The following THRB variants were observed in gnomAD, a reference collection of about 807,000 sequenced individuals.
The protein encoded by THRB is nuclear receptor subfamily 1 group A member 2.
THRB carries 12 observed loss-of-function variants against 47.8 expected under a neutral mutation model. The ratio of observed to expected loss-of-function variants is 0.25; its 90% confidence interval spans 0.16 to 0.41. THRB has a LOEUF of 0.41. Ranked by LOEUF, THRB falls within the 10% of genes least tolerant of loss-of-function variation. The probability of loss-of-function intolerance (pLI) is 1.00; values close to 1 mark genes in which losing one functional copy is unlikely to be tolerated. For missense variants in THRB, 348 were observed against 589.2 expected, an observed-to-expected ratio of 0.59 and a Z score of 4.24; for synonymous variants, 218 against 212.2, an observed-to-expected ratio of 1.03 and a Z score of -0.24.
intron 2 of THRB, among the ~76,000 whole-genome samples, chr3:24,298,306 A>G (rs899483351): frequency 2.6e-5 from 4 of 152,176 alleles, no homozygotes; most frequent in Admixed American, 2.6e-4. Context: ...AGTCCCCTAC[A>G]ATCCCTCCCT....
At chr3:24,417,573 G>A (rs1260654838) in intron 1 of THRB, among the ~76,000 whole-genome samples, 2 of 151,804 alleles carry the variant, frequency 1.3e-5, no homozygotes, top group South Asian at 2.1e-4. Flanking sequence ...TAATGTTAGC[G>A]TATTAGTAAG....
At chr3:24,188,975 A>C (rs956570748) in intron 5 of THRB, among the ~76,000 whole-genome samples, 7 of 150,498 alleles carry the variant, frequency 4.7e-5, no homozygotes, top group African/African-American at 7.4e-5. Context: ...CTATTTCACT[A>C]TTACTTTTGA....
chr3:24,138,616 A>G (rs1449838488), intron 8 of THRB, among the ~76,000 whole-genome samples: 1 of 152,206 alleles, frequency 6.6e-6, no homozygotes, highest in Non-Finnish European at 1.5e-5. Flanking sequence ...ATCTCCATTC[A>G]TGTAACTACT....
chr3:24,208,431 C>A (rs892762299), intron 4 of THRB, among the ~76,000 whole-genome samples: 3 of 152,166 alleles, frequency 2.0e-5, no homozygotes, highest in Non-Finnish European at 4.4e-5. Context: ...AGGCATCACG[C>A]TACCTGGCTT....
intron 5 of THRB, among the ~76,000 whole-genome samples, chr3:24,184,622 C>T (rs1306179680): frequency 6.6e-6 from 1 of 152,130 alleles, no homozygotes; most frequent in Non-Finnish European, 1.5e-5. Context: ...CTCGTCCCTG[C>T]CTTTGAAGTA....
chr3:24,191,283 T>C (rs1281677353), intron 4 of THRB, among the ~76,000 whole-genome samples: 2 of 151,976 alleles, frequency 1.3e-5, no homozygotes, highest in African/African-American at 4.8e-5. Flanking sequence ...TGTATGCATG[T>C]TGTACACATT....
At chr3:24,289,732 A>C (rs2055725506) in intron 3 of THRB, among the ~76,000 whole-genome samples, 1 of 152,228 alleles carries the variant, frequency 6.6e-6, no homozygotes, top group African/African-American at 2.4e-5. Flanking sequence ...AAAGGCTGTC[A>C]CATTTTTTCT....
chr3:24,157,182 C>G (rs1467972148), intron 5 of THRB, among the ~76,000 whole-genome samples: 1 of 152,094 alleles, frequency 6.6e-6, no homozygotes, highest in Non-Finnish European at 1.5e-5. Flanking sequence ...AATTCACAAT[C>G]TTTCCTCAGA....
intron 1 of THRB, among the ~76,000 whole-genome samples, chr3:24,449,818 A>C (rs1446755892): frequency 6.6e-6 from 1 of 152,200 alleles, no homozygotes; most frequent in Non-Finnish European, 1.5e-5. Flanking sequence ...AAGAAGATTA[A>C]GTTTGAGTGA....
chr3:24,131,881 A>G (rs1575295760), intron 9 of THRB, among the ~76,000 whole-genome samples: 1 of 152,310 alleles, frequency 6.6e-6, no homozygotes, highest in East Asian at 1.9e-4. Flanking sequence ...GGCCTGAACT[A>G]AGACACCTGG....
chr3:24,462,965 C>G (rs1264318249), intron 1 of THRB, among the ~76,000 whole-genome samples: 1 of 152,150 alleles, frequency 6.6e-6, no homozygotes, highest in Non-Finnish European at 1.5e-5. Flanking sequence ...CCCTGTAACC[C>G]CCCTCCTGTC....
At position 24,200,418 on chromosome 3, in the gene THRB, AT is replaced by A. The variant is rs146228713; in HGVS notation, c.23-10085del. On this transcript the variant is annotated intron_variant, in intron 4 of 10. Coordinates refer to ENST00000646209, the MANE Select transcript of THRB (RefSeq NM_001354712.2). The stretch of plus-strand genomic sequence containing the variant: ...CAAAAATCAAAACTTAAGATTTATA[AT>A]TTCTCAAATAAAAGACAAAATATGA... Among the ~76,000 whole-genome samples the A allele has an allele frequency of 8.2e-3, 1,255 of 152,310 alleles. 20 individuals are homozygous for A. Among genetic ancestry groups the A allele is most frequent in the East Asian group, 0.056 (288 of 5,178 alleles).
chr3:24,417,802 C>T (rs1199248541), intron 1 of THRB, among the ~76,000 whole-genome samples: 1 of 151,912 alleles, frequency 6.6e-6, no homozygotes, highest in Non-Finnish European at 1.5e-5. Flanking sequence ...TAATTCTCAT[C>T]ACCACTTGTG....
chr3:24,274,397 G>C (rs1272714537), intron 3 of THRB, among the ~76,000 whole-genome samples: 1 of 152,110 alleles, frequency 6.6e-6, no homozygotes, highest in Non-Finnish European at 1.5e-5. Context: ...GTGCTATTTT[G>C]AAGAGCCTAT....
At chr3:24,259,512 G>GTT (rs1055819175) in intron 3 of THRB, among the ~76,000 whole-genome samples, 5 of 151,378 alleles carry the variant, frequency 3.3e-5, no homozygotes, top group African/African-American at 1.2e-4. Context: ...GGGAGCATAC[G>GTT]TTTTGAAGGG....
chr3:24,373,629 A>G (rs1183975514), intron 1 of THRB, among the ~76,000 whole-genome samples: 1 of 152,110 alleles, frequency 6.6e-6, no homozygotes, highest in Non-Finnish European at 1.5e-5. Flanking sequence ...CAGACCTACA[A>G]ATATGCAGCC....
intron 3 of THRB, among the ~76,000 whole-genome samples, chr3:24,288,603 C>G (rs2055583417): frequency 6.6e-6 from 1 of 152,098 alleles, no homozygotes; most frequent in Non-Finnish European, 1.5e-5. Flanking sequence ...TTACCGTGTT[C>G]CCAGCAATGA....
Position 24,384,396 on chromosome 3 carries a change from C to T in THRB, c.-260-47025G>A, listed in dbSNP as rs576126986. 3.9e-5 allele frequency among the ~76,000 whole-genome samples: 6 copies of T among 152,068 alleles called. No homozygotes were observed. In the South Asian group the frequency reaches 8.3e-4, roughly 21 times the overall value. On this transcript the variant is annotated intron_variant, in intron 1 of 10. Coordinates refer to ENST00000646209, the MANE Select transcript of THRB (RefSeq NM_001354712.2). Reference sequence around the variant, plus strand: ...TTACAACTTTAAGAACTTCTGGAGACGAAGATGAGCCATGAAGTGTTATAA... The same window carrying T: ...TTACAACTTTAAGAACTTCTGGAGATGAAGATGAGCCATGAAGTGTTATAA...
intron 9 of THRB, 115 bp downstream of exon 9, chr3:24,133,201 T>C: frequency 8.1e-7 from 1 of 1,228,086 alleles, no homozygotes; most frequent in South Asian, 1.3e-5. Context: ...TGACGTTGCT[T>C]TCATATGATT....
Sources: allele counts gnomAD v4.1 joint callset (sites outside exome capture counted in the v4.1 genomes callset), GRCh38; gene constraint gnomAD v4.1.1; transcripts MANE v1.5; gene names NCBI Gene and HGNC (gene_info 2026-07-23, HGNC 2026-07-21).